Variants in KIAA1958 observed in about 807,000 individuals in gnomAD.
KIAA1958 encodes KIAA1958, also known as uncharacterized protein KIAA1958.
A neutral mutation model predicts 47.2 loss-of-function variants in KIAA1958; 14 were observed. That is an observed-to-expected ratio of 0.30 (90% CI 0.20 to 0.46). KIAA1958 has a LOEUF of 0.46. Among genes scored for constraint, KIAA1958 ranks in the 20% least tolerant of loss-of-function variants. The pLI, the probability that KIAA1958 is intolerant of heterozygous loss-of-function variation, is 1.00. For missense variants in KIAA1958, 803 were observed against 909.2 expected, an observed-to-expected ratio of 0.88 and a Z score of 1.50; for synonymous variants, 354 against 353.3, an observed-to-expected ratio of 1.00 and a Z score of -0.02.
At position 112,618,409 on chromosome 9, in the gene KIAA1958, C is replaced by T. The variant is rs1836441724; in HGVS notation, c.1172-27241C>T. 5.2e-6 allele frequency: 8 copies of T among 1,551,202 alleles called. No individual in the cohort carries two copies. Among genetic ancestry groups the T allele is most frequent in the South Asian group, 1.2e-5 (1 of 84,054 alleles). On this transcript the variant is annotated intron_variant, in intron 2 of 3. Transcript: ENST00000337530. This position sits in a 1 kb window ranked among gnomAD's most constrained non-coding sequence, Gnocchi z 7.1. The stretch of plus-strand genomic sequence containing the variant: ...GATCTACCTTAAAATGGGGTGATAT[C>T]CGGCTCCGGGTAACAGAGACGGGTC...
At chr9:112,519,532 C>T (rs947579448) in intron 1 of KIAA1958, among the ~76,000 whole-genome samples, 3 of 152,234 alleles carry the variant, frequency 2.0e-5, no homozygotes, top group South Asian at 2.1e-4. Flanking sequence ...TTTAGGAATT[C>T]GTTGTTTTGA....
At chr9:112,568,635 C>A (rs1193082757) in intron 1 of KIAA1958, among the ~76,000 whole-genome samples, 1 of 152,032 alleles carries the variant, frequency 6.6e-6, no homozygotes, top group African/African-American at 2.4e-5. Flanking sequence ...GAAATCCCAG[C>A]ACTTTGGGAG....
At chr9:112,621,981 A>G (rs898969507) in intron 2 of KIAA1958, among the ~76,000 whole-genome samples, 3 of 152,098 alleles carry the variant, frequency 2.0e-5, no homozygotes, top group African/African-American at 7.2e-5. Flanking sequence ...GCCTCAAGAG[A>G]TCCTCCTGCC....
intron 3 of KIAA1958, among the ~76,000 whole-genome samples, chr9:112,659,057 A>T (rs912392496): frequency 6.6e-6 from 1 of 151,768 alleles, no homozygotes; most frequent in Non-Finnish European, 1.5e-5. Context: ...AAGAAAAGAA[A>T]AAAGAAATAC....
At position 112,660,386 on chromosome 9, in the gene KIAA1958, AAAAC is replaced by A. The variant is rs571629826; in HGVS notation, c.*329_*332del. 1.1e-4 allele frequency: 32 copies of A among 304,688 alleles called. No individual in the cohort carries two copies. The highest frequency in any genetic ancestry group is 5.9e-4 in the Admixed American group (13 of 22,098). The allele number at this position is 304,688 out of a possible 1,614,324, so 18.9% of individuals were successfully genotyped here. A position where few individuals can be genotyped will look rare whatever the true frequency, so the allele number is the denominator to read the frequency against. ...GTGCCTTTCTAGCACAGGTTTTCTC[AAAAC>A]AAACAAACAAAAAAGGAAACTGTTA... On this transcript the variant is annotated 3_prime_UTR_variant, in exon 4 of 4. Transcript: ENST00000337530.
chr9:112,546,944 G>GTA (rs1389824323), intron 1 of KIAA1958, among the ~76,000 whole-genome samples: 17 of 151,486 alleles, frequency 1.1e-4, no homozygotes, highest in South Asian at 4.2e-4. Flanking sequence ...TAAGAAATAT[G>GTA]TATATATATA....
chr9:112,496,232 G>A (rs1209365511), intron 1 of KIAA1958, among the ~76,000 whole-genome samples: 1 of 152,148 alleles, frequency 6.6e-6, no homozygotes, highest in Non-Finnish European at 1.5e-5. Context: ...ACTGTAGATC[G>A]ATGAGAATGA....
chr9:112,601,582 C>T (rs1836131926), intron 2 of KIAA1958, among the ~76,000 whole-genome samples: 2 of 152,146 alleles, frequency 1.3e-5, no homozygotes, highest in African/African-American at 4.8e-5. Flanking sequence ...AGTGCCTGGT[C>T]TCCTGTACAC....
At chr9:112,543,472 T>C (rs1179304350) in intron 1 of KIAA1958, among the ~76,000 whole-genome samples, 1 of 152,092 alleles carries the variant, frequency 6.6e-6, no homozygotes, top group Non-Finnish European at 1.5e-5. Context: ...GTGTTTTGTG[T>C]GGGATATTAG....
At chr9:112,548,049 C>T (rs1443226324) in intron 1 of KIAA1958, among the ~76,000 whole-genome samples, 1 of 135,406 alleles carries the variant, frequency 7.4e-6, no homozygotes, top group South Asian at 2.4e-4. Context: ...TGCCCTTTCT[C>T]CCAGGCTGGA....
At chr9:112,493,164 G>A (rs1461320533) in intron 1 of KIAA1958, among the ~76,000 whole-genome samples, 4 of 14,892 alleles carry the variant, frequency 2.7e-4, no homozygotes, top group Non-Finnish European at 4.6e-4. Context: ...TTCTTTTAGT[G>A]CTTTTTTTTT....
At position 112,660,426 on chromosome 9, in the gene KIAA1958, T is replaced by A. The variant is rs1837257111; in HGVS notation, c.*357T>A. The A allele has an allele frequency of 1.3e-5, 3 of 223,316 alleles. No individual in the cohort carries two copies. Among genetic ancestry groups the A allele is most frequent in the Non-Finnish European group, 1.8e-5 (2 of 112,628 alleles). The allele number at this position is 223,316 out of a possible 1,614,324, so 13.8% of individuals were successfully genotyped here. ...AAAAGGAAACTGTTAAGTAGTCGTT[T>A]AAAAAAAAAATCCCAGTAGCGCAGT... is the stretch of plus-strand genomic sequence containing the variant. On this transcript the variant is annotated 3_prime_UTR_variant, in exon 4 of 4. Coordinates refer to ENST00000337530, the MANE Select transcript of KIAA1958 (RefSeq NM_133465.4).
At chr9:112,623,396 G>A (rs576464850) in intron 2 of KIAA1958, among the ~76,000 whole-genome samples, 15 of 152,218 alleles carry the variant, frequency 9.9e-5, no homozygotes, top group Admixed American at 4.6e-4. Context: ...AAGAGCATCC[G>A]TATCTGAAAT....
chr9:112,554,637 A>G (rs1835210800), intron 1 of KIAA1958, among the ~76,000 whole-genome samples: 1 of 152,196 alleles, frequency 6.6e-6, no homozygotes, highest in Admixed American at 6.5e-5. Context: ...TTGGCTACAA[A>G]CACTAGATAA....
chr9:112,560,703 G>A (rs1835312622), intron 1 of KIAA1958, among the ~76,000 whole-genome samples: 1 of 152,212 alleles, frequency 6.6e-6, no homozygotes, highest in Admixed American at 6.5e-5. Flanking sequence ...TAGGAGATGG[G>A]TAGGTGAAGT....
intron 3 of KIAA1958, among the ~76,000 whole-genome samples, chr9:112,650,112 T>A (rs973292010): frequency 5.9e-5 from 9 of 151,878 alleles, no homozygotes; most frequent in Admixed American, 5.2e-4. Flanking sequence ...TAGAATAACA[T>A]CTTTAAAAAG....
At chr9:112,498,375 A>G (rs1834078671) in intron 1 of KIAA1958, among the ~76,000 whole-genome samples, 1 of 152,086 alleles carries the variant, frequency 6.6e-6, no homozygotes, top group African/African-American at 2.4e-5. Flanking sequence ...AATTTTCAAG[A>G]TTTTTCTTTT....
chr9:112,494,116 A>G (rs1376205053), intron 1 of KIAA1958, among the ~76,000 whole-genome samples: 2 of 152,218 alleles, frequency 1.3e-5, no homozygotes, highest in East Asian at 1.9e-4. Context: ...CTGTAATACC[A>G]ATATGATTTT....
rs1554720343 is a variant in KIAA1958, at chr9:112,513,480, C to CGGTGGCTTAGGGAGCCAGTCCGGCCAT, written c.-25+26368_-25+26369insTTAGGGAGCCAGTCCGGCCATGGTGGC. On this transcript the variant is annotated intron_variant, in intron 1 of 3. Coordinates refer to ENST00000337530, the MANE Select transcript of KIAA1958 (RefSeq NM_133465.4). The stretch of plus-strand genomic sequence containing the variant: ...GGTCGAAGGCGCCGCGGGCTGGGGT[C>CGGTGGCTTAGGGAGCCAGTCCGGCCAT]GGTGGCCGCGGCTGGTGGTTGGCGC... 3.4e-5 allele frequency among the ~76,000 whole-genome samples: 2 copies of CGGTGGCTTAGGGAGCCAGTCCGGCCAT among 57,972 alleles called. 1 individual carries two copies. The highest frequency in any genetic ancestry group is 3.6e-4 in the Admixed American group (2 of 5,522). 38.0% of individuals were successfully genotyped at this position (57,972 alleles called of 152,430 possible).
Sources: allele counts gnomAD v4.1 joint callset (sites outside exome capture counted in the v4.1 genomes callset), GRCh38; gene constraint gnomAD v4.1.1; non-coding constraint Gnocchi (gnomAD v3.1); transcripts MANE v1.5; gene names NCBI Gene and HGNC (gene_info 2026-07-23, HGNC 2026-07-21).